CAST: variants seen among roughly 807,000 people sequenced by gnomAD.
CAST encodes the protein calpastatin.
CAST carries 76 observed loss-of-function variants against 119.6 expected under a neutral mutation model. The ratio of observed to expected loss-of-function variants is 0.64; its 90% CI spans 0.53 to 0.77. The LOEUF is 0.77. Ranked by LOEUF, CAST falls within the 30% of genes least tolerant of loss-of-function variation. The pLI is 0.00. For missense variants in CAST, 953 were observed against 946.5 expected (o/e 1.01, Z -0.09); for synonymous variants, 319 against 331.6 (o/e 0.96, Z 0.41).
the CAST span, among the ~76,000 whole-genome samples, chr5:96,487,696 T>C: frequency 2.0e-5 from 3 of 152,244 alleles, no homozygotes; most frequent in Non-Finnish European, 4.4e-5. Flanking sequence ...AATTTGAACC[T>C]TCTTTAAGCC....
the CAST span, among the ~76,000 whole-genome samples, chr5:96,356,687 T>TC: frequency 6.6e-6 from 1 of 152,092 alleles, no homozygotes; most frequent in Non-Finnish European, 1.5e-5. Context: ...GTTCCATTGG[T>TC]TATATATCTG....
the CAST span, chr5:96,397,483 A>G: frequency 4.3e-6 from 7 of 1,609,696 alleles, no homozygotes; most frequent in Non-Finnish European, 6.0e-6. Context: ...TGAAACAAAT[A>G]CAAGTTAATG....
the CAST span, among the ~76,000 whole-genome samples, chr5:96,268,195 G>A: frequency 9.2e-5 from 14 of 152,206 alleles, no homozygotes; most frequent in Admixed American, 3.3e-4. Flanking sequence ...AAGACAACCC[G>A]AAAATAAGCA....
At chr5:96,396,326 C>T in the CAST span, among the ~76,000 whole-genome samples, 2 of 152,066 alleles carry the variant, frequency 1.3e-5, no homozygotes, top group African/African-American at 4.8e-5. Context: ...TTTGGGAGGC[C>T]GAGGTGGGTA....
At chr5:96,643,363 T>C (rs155049) in intron 1 of CAST, among the ~76,000 whole-genome samples, 46,615 of 152,066 alleles carry the variant, frequency 0.31, 7,344 homozygotes, top group African/African-American at 0.36. Context: ...AATAGTTAAA[T>C]CTATAGAGGC....
chr5:96,400,318 TGTC>T, the CAST span: 5 of 699,594 alleles, frequency 7.1e-6, no homozygotes, highest in Middle Eastern at 7.2e-4. Flanking sequence ...GTTATTCTAG[TGTC>T]TATTACTGTT....
chr5:96,225,244 T>C, the CAST span, among the ~76,000 whole-genome samples: 1 of 152,198 alleles, frequency 6.6e-6, no homozygotes, highest in African/African-American at 2.4e-5. Flanking sequence ...CCTTTCCTTC[T>C]TTTTCCTTTC....
chr5:96,488,674 T>G, the CAST span, among the ~76,000 whole-genome samples: 4 of 152,242 alleles, frequency 2.6e-5, 1 homozygote, highest in Non-Finnish European at 4.4e-5. Flanking sequence ...GTTTCCTTTC[T>G]TGGATTTTTG....
intron 3 of CAST, among the ~76,000 whole-genome samples, chr5:96,716,261 GTT>G (rs1158022883): frequency 3.9e-5 from 6 of 152,170 alleles, no homozygotes; most frequent in Admixed American, 6.5e-5. Flanking sequence ...GCAGCTCAGG[GTT>G]TTGCGTATAT....
chr5:96,397,720 T>C, the CAST span, among the ~76,000 whole-genome samples: 1 of 152,060 alleles, frequency 6.6e-6, no homozygotes, highest in African/African-American at 2.4e-5. Flanking sequence ...GAAAAAATAA[T>C]GAATGAATGA....
At chr5:96,685,730 C>T (rs1752006062) in intron 2 of CAST, among the ~76,000 whole-genome samples, 1 of 152,164 alleles carries the variant, frequency 6.6e-6, no homozygotes, top group Admixed American at 6.5e-5. Context: ...CTAAGAATCA[C>T]CTGGGGATGG....
the CAST span, among the ~76,000 whole-genome samples, chr5:96,340,295 G>A: frequency 6.6e-6 from 1 of 152,156 alleles, no homozygotes; most frequent in Non-Finnish European, 1.5e-5. Flanking sequence ...TTTCAGCTCA[G>A]GTCCTTTTGT....
intron 1 of CAST, among the ~76,000 whole-genome samples, chr5:96,595,761 A>G (rs956170272): frequency 2.0e-5 from 3 of 152,256 alleles, no homozygotes; most frequent in African/African-American, 4.8e-5. Flanking sequence ...GATAAAAAAC[A>G]TATAGCTTGG....
chr5:96,429,315 A>G, the CAST span: 11 of 1,517,512 alleles, frequency 7.2e-6, no homozygotes, highest in Middle Eastern at 8.6e-4. Context: ...CAAGTGAACC[A>G]ATCTATAAAA....
chr5:96,050,218 A>T, the CAST span: 1 of 152,494 alleles, frequency 6.6e-6, no homozygotes, highest in African/African-American at 2.4e-5. Context: ...AGTGGACATG[A>T]GGTTGAATTG....
intron 1 of CAST, among the ~76,000 whole-genome samples, chr5:96,664,317 A>G (rs1749011218): frequency 6.6e-6 from 1 of 150,944 alleles, no homozygotes; most frequent in Non-Finnish European, 1.5e-5. Flanking sequence ...ATATATTTAC[A>G]CATATATGTA....
chr5:96,758,226 C>G (rs550339933), intron 24 of CAST, among the ~76,000 whole-genome samples: 2 of 152,146 alleles, frequency 1.3e-5, no homozygotes, highest in African/African-American at 4.8e-5. Flanking sequence ...AAAATTACTC[C>G]TCAGACAACT....
chr5:96,725,570 T>C (rs948293036), intron 4 of CAST, among the ~76,000 whole-genome samples: 10 of 152,246 alleles, frequency 6.6e-5, no homozygotes, highest in African/African-American at 2.4e-4. Flanking sequence ...GAGAGGTGAT[T>C]AATACACATT....
intron 1 of CAST, among the ~76,000 whole-genome samples, chr5:96,596,686 A>G (rs1391427479): frequency 6.6e-6 from 1 of 152,220 alleles, no homozygotes; most frequent in East Asian, 1.9e-4. Context: ...ATGATGGAAC[A>G]CAGCAGCCCA....
Sources: gnomAD v4.1 joint callset for allele counts (sites outside exome capture counted in the v4.1 genomes callset) on GRCh38, gnomAD v4.1.1 for gene constraint, MANE v1.5 for transcripts, NCBI Gene and HGNC (gene_info 2026-07-23, HGNC 2026-07-21) for gene names.